The following CNTN5 variants were observed in gnomAD, a reference collection of about 807,000 sequenced individuals.
CNTN5 encodes the protein contactin-5.
Under a neutral mutation model 129.1 loss-of-function variants are expected in CNTN5, and 77 were observed. The ratio of observed to expected loss-of-function variants is 0.60; its 90% CI spans 0.50 to 0.72. The LOEUF (loss-of-function observed/expected upper bound fraction) is 0.72, where lower values mean the gene tolerates loss of function less well. CNTN5 is among the 30% of genes least tolerant of loss of function. The pLI is 0.00. For missense variants in CNTN5, 1,478 were observed against 1,328.8 expected, an observed-to-expected ratio of 1.11 and a Z score of -1.75; for synonymous variants, 509 against 465.6, an observed-to-expected ratio of 1.09 and a Z score of -1.20.
At chr11:99,709,144 A>C (rs1397186248) in intron 3 of CNTN5, among the ~76,000 whole-genome samples, 1 of 151,878 alleles carries the variant, frequency 6.6e-6, no homozygotes, top group Admixed American at 6.6e-5. Context: ...AGATTACTAC[A>C]ACATTCTGAG....
At chr11:100,127,020 A>G (rs990132762) in intron 13 of CNTN5, among the ~76,000 whole-genome samples, 1 of 151,632 alleles carries the variant, frequency 6.6e-6, no homozygotes, top group Non-Finnish European at 1.5e-5. Flanking sequence ...TTCAGGCACA[A>G]TGGATCTTCC....
chr11:100,200,020 CTG>C (rs1186176437), intron 15 of CNTN5, among the ~76,000 whole-genome samples: 2 of 151,928 alleles, frequency 1.3e-5, no homozygotes, highest in African/African-American at 4.8e-5. Context: ...CTGTTAAAAT[CTG>C]TTTTCATAAC....
chr11:99,487,796 A>G (rs1945874263), intron 2 of CNTN5, among the ~76,000 whole-genome samples: 2 of 152,196 alleles, frequency 1.3e-5, no homozygotes, highest in African/African-American at 4.8e-5. Context: ...GCTCCTTATA[A>G]CAAAATATAT....
intron 7 of CNTN5, among the ~76,000 whole-genome samples, chr11:99,931,087 T>G: frequency 6.6e-6 from 1 of 152,338 alleles, no homozygotes; most frequent in African/African-American, 2.4e-5. Flanking sequence ...TTTAACTAGT[T>G]ACTTAATAAT....
intron 2 of CNTN5, among the ~76,000 whole-genome samples, chr11:99,440,181 C>CAGTA (rs1943770423): frequency 6.6e-6 from 1 of 152,024 alleles, no homozygotes; most frequent in Non-Finnish European, 1.5e-5. Flanking sequence ...TTATCTTAGT[C>CAGTA]AGTACTCTTA....
At chr11:99,909,300 A>T (rs993687830) in intron 6 of CNTN5, among the ~76,000 whole-genome samples, 3 of 152,060 alleles carry the variant, frequency 2.0e-5, no homozygotes, top group South Asian at 4.1e-4. Context: ...TCATTAAAAA[A>T]TCAGGAAACA....
At chr11:99,703,517 T>G (rs1954618569) in intron 3 of CNTN5, among the ~76,000 whole-genome samples, 1 of 150,882 alleles carries the variant, frequency 6.6e-6, no homozygotes, top group African/African-American at 2.4e-5. Context: ...ATTATTTATA[T>G]GTAATCTTCA....
chr11:99,263,904 G>A (rs542936521), intron 1 of CNTN5, among the ~76,000 whole-genome samples: 3 of 152,066 alleles, frequency 2.0e-5, no homozygotes, highest in South Asian at 2.1e-4. Context: ...GTTGTTACCC[G>A]AAGCAAAATC....
At chr11:99,496,958 AT>A (rs765177167) in intron 2 of CNTN5, among the ~76,000 whole-genome samples, 8 of 152,252 alleles carry the variant, frequency 5.3e-5, no homozygotes, top group Non-Finnish European at 7.3e-5. Flanking sequence ...GTCGGCCAGA[AT>A]TCAAGTATAC....
At chr11:99,140,285 T>C (rs963164370) in intron 1 of CNTN5, among the ~76,000 whole-genome samples, 1 of 151,848 alleles carries the variant, frequency 6.6e-6, no homozygotes. Context: ...ATCTTGGGGG[T>C]TTGGTGTACA....
intron 17 of CNTN5, among the ~76,000 whole-genome samples, chr11:100,261,950 G>A (rs1950207263): frequency 6.6e-6 from 1 of 152,138 alleles, no homozygotes; most frequent in Admixed American, 6.5e-5. Context: ...TGGAAAATGG[G>A]ATCTAATTAA....
chr11:100,159,214 G>T (rs1947357335), intron 13 of CNTN5, among the ~76,000 whole-genome samples: 1 of 151,614 alleles, frequency 6.6e-6, no homozygotes, highest in Non-Finnish European at 1.5e-5. Context: ...AAAAAAAAAA[G>T]TTAAAATGGT....
intron 16 of CNTN5, among the ~76,000 whole-genome samples, chr11:100,237,005 C>A (rs897702517): frequency 6.6e-6 from 1 of 151,798 alleles, no homozygotes. Flanking sequence ...CTGGCTAACA[C>A]AGTGAAACCC....
intron 2 of CNTN5, among the ~76,000 whole-genome samples, chr11:99,358,695 A>C (rs2136102938): frequency 6.6e-6 from 1 of 152,350 alleles, no homozygotes; most frequent in Admixed American, 6.5e-5. Context: ...AATTAAATTT[A>C]AAAAATTCAG....
intron 9 of CNTN5, among the ~76,000 whole-genome samples, chr11:100,003,015 T>G (rs1370150185): frequency 2.0e-5 from 3 of 152,110 alleles, no homozygotes; most frequent in Non-Finnish European, 2.9e-5. Context: ...CAAGTGTGAT[T>G]ATTAAAGTAG....
chr11:99,337,075 T>C (rs775391894), intron 2 of CNTN5, among the ~76,000 whole-genome samples: 7 of 152,216 alleles, frequency 4.6e-5, no homozygotes, highest in Non-Finnish European at 7.3e-5. Flanking sequence ...TATTTCTTAA[T>C]AATTTTTCTC....
chr11:100,260,569 C>A (rs1208751705), intron 17 of CNTN5, among the ~76,000 whole-genome samples: 4 of 152,166 alleles, frequency 2.6e-5, no homozygotes, highest in African/African-American at 9.7e-5. Flanking sequence ...AATTCAAATC[C>A]AGCAGCACAT....
At chr11:99,069,296 C>A (rs547243700) in intron 1 of CNTN5, among the ~76,000 whole-genome samples, 1 of 151,674 alleles carries the variant, frequency 6.6e-6, no homozygotes, top group East Asian at 1.9e-4. Context: ...CCAGGCCAGG[C>A]GAGGGTAATG....
At chr11:99,614,629 G>A (rs1591363787) in intron 3 of CNTN5, among the ~76,000 whole-genome samples, 1 of 152,182 alleles carries the variant, frequency 6.6e-6, no homozygotes, top group Admixed American at 6.5e-5. Flanking sequence ...CCAGTTCTCT[G>A]GGCTTTGCTG....
Sources: allele counts gnomAD v4.1 joint callset (sites outside exome capture counted in the v4.1 genomes callset), GRCh38; gene constraint gnomAD v4.1.1; transcripts MANE v1.5; gene names NCBI Gene and HGNC (gene_info 2026-07-23, HGNC 2026-07-21).